The following GRIP1 variants were observed in gnomAD, a reference collection of about 807,000 sequenced individuals.
The protein encoded by GRIP1 is glutamate receptor interacting protein 1, also known as glutamate receptor-interacting protein 1.
A neutral mutation model predicts 129.9 loss-of-function variants in GRIP1; 45 were observed. The observed-to-expected ratio is 0.35, with a 90% CI of 0.27 to 0.44. The LOEUF (loss-of-function observed/expected upper bound fraction) is 0.44. Ranked by LOEUF, GRIP1 falls within the 20% of genes least tolerant of loss-of-function variation. The pLI is 1.00. For missense variants in GRIP1, 1,196 were observed against 1,396.8 expected (o/e 0.86, Z 2.29); for synonymous variants, 530 against 520.8 (o/e 1.02, Z -0.24).
intron 1 of GRIP1, among the ~76,000 whole-genome samples, chr12:66,709,890 A>G (rs2136393889): frequency 6.6e-6 from 1 of 152,036 alleles, no homozygotes; most frequent in South Asian, 2.1e-4. Context: ...GACCTTTGCT[A>G]TTTAGGTATT....
At chr12:66,947,683 C>T (rs775863639) in intron 1 of GRIP1, among the ~76,000 whole-genome samples, 2 of 152,334 alleles carry the variant, frequency 1.3e-5, no homozygotes, top group Non-Finnish European at 2.9e-5. Flanking sequence ...ATACCATCAA[C>T]AAGGCATTGT....
intron 2 of GRIP1, among the ~76,000 whole-genome samples, chr12:66,578,610 G>A (rs187583518): frequency 1.2e-3 from 182 of 150,900 alleles, no homozygotes; most frequent in African/African-American, 4.0e-3. Flanking sequence ...ATTATATCCC[G>A]CACCTGGCTC....
At chr12:66,401,609 T>TATATATATAAAC in intron 16 of GRIP1, among the ~76,000 whole-genome samples, 1 of 110,192 alleles carries the variant, frequency 9.1e-6, no homozygotes, top group South Asian at 3.2e-4. Context: ...TATATATATA[T>TATATATATAAAC]ACACACACAC....
chr12:67,050,545 A>C (rs1179303165), intron 1 of GRIP1, among the ~76,000 whole-genome samples: 1 of 152,230 alleles, frequency 6.6e-6, no homozygotes, highest in African/African-American at 2.4e-5. Context: ...GAAAGATTTT[A>C]ATTAGAATAA....
intron 1 of GRIP1, among the ~76,000 whole-genome samples, chr12:66,606,300 T>C (rs779811519): frequency 6.6e-6 from 1 of 151,354 alleles, no homozygotes; most frequent in Non-Finnish European, 1.5e-5. Flanking sequence ...CCTGGTTGTA[T>C]GTAAGGGGTA....
chr12:66,504,255 A>G (rs1490369022), intron 7 of GRIP1, among the ~76,000 whole-genome samples: 5 of 152,224 alleles, frequency 3.3e-5, no homozygotes, highest in Non-Finnish European at 5.9e-5. Context: ...CAACTTCTCA[A>G]AAACATTGTG....
At chr12:66,473,615 C>G (rs566155650) in intron 7 of GRIP1, among the ~76,000 whole-genome samples, 1 of 152,138 alleles carries the variant, frequency 6.6e-6, no homozygotes. Flanking sequence ...CCCTCTGGGA[C>G]GAAGCTTCCA....
intron 1 of GRIP1, among the ~76,000 whole-genome samples, chr12:66,785,481 C>T (rs1324343245): frequency 1.3e-4 from 20 of 151,114 alleles, no homozygotes. Flanking sequence ...CACTGCACTC[C>T]AGCCTTGGCA....
At chr12:66,456,859 A>T (rs1050806046) in intron 9 of GRIP1, among the ~76,000 whole-genome samples, 1 of 152,198 alleles carries the variant, frequency 6.6e-6, no homozygotes, top group Non-Finnish European at 1.5e-5. Context: ...TTGCACTACA[A>T]TCCATCACTT....
At chr12:66,637,579 T>TC (rs965041631) in intron 1 of GRIP1, among the ~76,000 whole-genome samples, 28 of 152,094 alleles carry the variant, frequency 1.8e-4, no homozygotes, top group African/African-American at 6.8e-4. Context: ...TGTATGTTTT[T>TC]TTTTAAATTT....
In GRIP1 at chr12:66,926,057, A is replaced by G. The variant is rs1028497014; in HGVS notation, c.58+142993T>C. Among the ~76,000 whole-genome samples, 4 of 152,370 alleles carry G rather than the reference A, an allele frequency of 2.6e-5. No individual in the cohort carries two copies. The East Asian group carries it at 7.7e-4, about 29-fold the overall frequency. ...ATATTTTAATCCAAGACTAATGATA[A>G]TAGACATACTAAGAGGTGAATGGAC... On this transcript the variant is annotated intron_variant, in intron 1 of 1. Transcript: ENST00000643019.
In GRIP1 at chr12:66,476,991, C is replaced by T. The variant is rs2138497497; in HGVS notation, c.725-11569G>A. ...ACAAGACAGGGATGCCCTCTCTCAC[C>T]ACTCCTATTCAACATAGTGTTGGAA... On this transcript the variant is annotated intron_variant, in intron 7 of 24. Coordinates refer to ENST00000359742, the MANE Select transcript of GRIP1 (RefSeq NM_001366722.1). Among the ~76,000 whole-genome samples the T allele has an allele frequency of 2.0e-5, 3 of 152,260 alleles. No homozygotes were observed. In the South Asian group the frequency reaches 6.2e-4, roughly 32 times the overall value.
At chr12:66,637,100 C>T (rs7955723) in intron 1 of GRIP1, among the ~76,000 whole-genome samples, 197 of 152,036 alleles carry the variant, frequency 1.3e-3, no homozygotes, top group Middle Eastern at 3.4e-3. Flanking sequence ...GGGAACCTAG[C>T]GTGTGTGTAA....
intron 1 of GRIP1, among the ~76,000 whole-genome samples, chr12:66,926,901 G>A (rs1479252994): frequency 6.6e-6 from 1 of 152,172 alleles, no homozygotes; most frequent in African/African-American, 2.4e-5. Context: ...GGCACAGTAG[G>A]ATATGAACTA....
intron 23 of GRIP1, among the ~76,000 whole-genome samples, chr12:66,363,896 T>A (rs527761031): frequency 6.6e-6 from 1 of 152,130 alleles, no homozygotes; most frequent in Non-Finnish European, 1.5e-5. Flanking sequence ...GTTCCGGTGA[T>A]CCACTAAACT....
chr12:66,632,036 G>T (rs1592676056), intron 1 of GRIP1, among the ~76,000 whole-genome samples: 1 of 152,170 alleles, frequency 6.6e-6, no homozygotes, highest in East Asian at 1.9e-4. Flanking sequence ...TTCCAAGGTG[G>T]CATTCAGCTC....
At chr12:66,394,474 A>T (rs2056715738) in intron 16 of GRIP1, 122 bp from the exon 17 acceptor site, 5 of 852,336 alleles carry the variant, frequency 5.9e-6, no homozygotes, top group Admixed American at 2.1e-5. Context: ...CACAGAAAAT[A>T]ATTATTTTGG....
chr12:66,908,194 A>C (rs1441910641), intron 1 of GRIP1, among the ~76,000 whole-genome samples: 2 of 152,200 alleles, frequency 1.3e-5, no homozygotes, highest in Admixed American at 1.3e-4. Context: ...GATGCTAATG[A>C]CATTCCATCT....
intron 1 of GRIP1, among the ~76,000 whole-genome samples, chr12:66,989,077 G>C (rs1229485526): frequency 6.6e-6 from 1 of 152,028 alleles, no homozygotes; most frequent in Admixed American, 6.6e-5. Context: ...TAGTCTCATA[G>C]GACACCTTAT....
Sources: allele counts gnomAD v4.1 joint callset (sites outside exome capture counted in the v4.1 genomes callset), GRCh38; gene constraint gnomAD v4.1.1; transcripts MANE v1.5; gene names NCBI Gene and HGNC (gene_info 2026-07-23, HGNC 2026-07-21).